Variants in SBF2 observed in about 807,000 individuals in gnomAD.
SBF2 encodes SET binding factor 2, also known as myotubularin-related protein 13.
Under a neutral mutation model 225.2 loss-of-function variants are expected in SBF2, and 112 were observed. That is an observed-to-expected ratio of 0.50 (90% confidence interval 0.43 to 0.58). The LOEUF (loss-of-function observed/expected upper bound fraction) is 0.58. Among genes scored for constraint, SBF2 ranks in the 20% least tolerant of loss-of-function variants. The pLI, the probability that SBF2 is intolerant of heterozygous loss-of-function variation, is 0.00. For missense variants in SBF2, 1,996 were observed against 2,206.2 expected (o/e 0.90, Z 1.91); for synonymous variants, 763 against 773.3 (o/e 0.99, Z 0.22).
At chr11:9,900,447 C>G (rs1861632358) in intron 16 of SBF2, among the ~76,000 whole-genome samples, 1 of 152,106 alleles carries the variant, frequency 6.6e-6, no homozygotes, top group South Asian at 2.1e-4. Context: ...TTTTTCCCAC[C>G]AAACCACTCA....
intron 3 of SBF2, among the ~76,000 whole-genome samples, chr11:10,035,505 A>C (rs1445116393): frequency 2.0e-5 from 3 of 152,214 alleles, no homozygotes; most frequent in Non-Finnish European, 4.4e-5. Context: ...AAAATTTTGC[A>C]ATCTACCCAT....
At chr11:9,860,621 A>G (rs1051740447) in intron 17 of SBF2, among the ~76,000 whole-genome samples, 4 of 152,068 alleles carry the variant, frequency 2.6e-5, no homozygotes, top group African/African-American at 9.7e-5. Flanking sequence ...GTGAGCCCCC[A>G]TGACCAGCCT....
chr11:10,142,789 T>C (rs1246288899), intron 2 of SBF2, among the ~76,000 whole-genome samples: 1 of 152,238 alleles, frequency 6.6e-6, no homozygotes, highest in Admixed American at 6.5e-5. Context: ...CATAAACTCG[T>C]AGACTGATTT....
intron 16 of SBF2, among the ~76,000 whole-genome samples, chr11:9,924,786 T>C (rs1408757492): frequency 1.3e-5 from 2 of 152,056 alleles, no homozygotes; most frequent in African/African-American, 4.8e-5. Context: ...TCTTGCTCTG[T>C]CACTCATGCT....
At chr11:9,788,713 G>A (rs1445124554) in intron 35 of SBF2, among the ~76,000 whole-genome samples, 1 of 150,116 alleles carries the variant, frequency 6.7e-6, no homozygotes, top group East Asian at 2.0e-4. Context: ...TCCTGCCTCA[G>A]CCTCCCGAGT....
intron 16 of SBF2, among the ~76,000 whole-genome samples, chr11:9,947,333 T>C (rs1416147748): frequency 1.3e-5 from 2 of 152,208 alleles, no homozygotes; most frequent in Non-Finnish European, 2.9e-5. Context: ...AAAATGTCTA[T>C]GACCGCTCTA....
intron 2 of SBF2, among the ~76,000 whole-genome samples, chr11:10,079,991 T>C (rs1401743837): frequency 2.6e-5 from 4 of 151,908 alleles, no homozygotes; most frequent in Non-Finnish European, 1.5e-5. Context: ...CTCATGCCTG[T>C]AATCCCTGCA....
intron 33 of SBF2, among the ~76,000 whole-genome samples, chr11:9,794,583 T>C (rs1852972774): frequency 6.9e-6 from 1 of 145,512 alleles, no homozygotes; most frequent in African/African-American, 2.5e-5. Flanking sequence ...GAGAATTGCC[T>C]GAACCTGGGA....
At chr11:10,157,166 G>A (rs1288602405) in intron 2 of SBF2, among the ~76,000 whole-genome samples, 5 of 152,180 alleles carry the variant, frequency 3.3e-5, no homozygotes, top group African/African-American at 1.2e-4. Flanking sequence ...AAGCCCTGGG[G>A]AAAGGATTCC....
intron 31 of SBF2, 188 bp from the exon 32 acceptor site, chr11:9,808,373 A>C (rs1853971076): frequency 9.6e-6 from 6 of 626,342 alleles, no homozygotes; most frequent in Admixed American, 2.6e-5. Flanking sequence ...ACTAAAGCTC[A>C]AATTCATTTT....
chr11:10,233,905 T>C (rs887153950), intron 1 of SBF2, among the ~76,000 whole-genome samples: 10 of 152,228 alleles, frequency 6.6e-5, no homozygotes, highest in African/African-American at 2.2e-4. Context: ...CTGTCAGCTC[T>C]GCATCATGGT....
chr11:10,154,719 C>T (rs1449820136), intron 2 of SBF2, among the ~76,000 whole-genome samples: 1 of 152,114 alleles, frequency 6.6e-6, no homozygotes, highest in East Asian at 1.9e-4. Flanking sequence ...GTGGCCATAA[C>T]TTGAGATTCT....
intron 2 of SBF2, among the ~76,000 whole-genome samples, chr11:10,166,002 A>G (rs1955934994): frequency 6.6e-6 from 1 of 152,228 alleles, no homozygotes; most frequent in Non-Finnish European, 1.5e-5. Flanking sequence ...AGGCGAGTAT[A>G]CATACAAGAG....
chr11:10,052,218 AGAC>A (rs1031422043), intron 2 of SBF2, among the ~76,000 whole-genome samples: 11 of 152,126 alleles, frequency 7.2e-5, no homozygotes, highest in Admixed American at 2.0e-4. Context: ...CTGTCATAAC[AGAC>A]TGACCTAACA....
intron 32 of SBF2, among the ~76,000 whole-genome samples, chr11:9,797,559 G>A (rs1564862317): frequency 6.6e-6 from 1 of 152,208 alleles, no homozygotes; most frequent in African/African-American, 2.4e-5. Flanking sequence ...TAGGTAGCGT[G>A]CCATACTCCA....
chr11:10,008,008 G>C (rs562406948), intron 6 of SBF2, among the ~76,000 whole-genome samples: 19 of 152,314 alleles, frequency 1.2e-4, no homozygotes, highest in Non-Finnish European at 2.2e-4. Flanking sequence ...CTGTCTAAGG[G>C]AGAAAGTGAT....
chr11:10,083,634 C>A (rs1272851410), intron 2 of SBF2, among the ~76,000 whole-genome samples: 1 of 152,082 alleles, frequency 6.6e-6, no homozygotes, highest in Non-Finnish European at 1.5e-5. Flanking sequence ...GAAAGGACAC[C>A]TTATTCAATA....
At chr11:10,025,366 T>G (rs1391644574) in intron 6 of SBF2, among the ~76,000 whole-genome samples, 1 of 152,066 alleles carries the variant, frequency 6.6e-6, no homozygotes, top group Non-Finnish European at 1.5e-5. Context: ...TCAACTCAAA[T>G]TATGAGAGCT....
At chr11:9,786,817 C>T (rs140747527) in intron 36 of SBF2, among the ~76,000 whole-genome samples, 49 of 152,272 alleles carry the variant, frequency 3.2e-4, no homozygotes, top group African/African-American at 1.2e-3. Flanking sequence ...ATATTATGTG[C>T]TTGATAAATG....
Sources: allele counts gnomAD v4.1 joint callset (sites outside exome capture counted in the v4.1 genomes callset), GRCh38; gene constraint gnomAD v4.1.1; transcripts MANE v1.5; gene names NCBI Gene and HGNC (gene_info 2026-07-23, HGNC 2026-07-21).